Variants in CYSTM1 observed in about 807,000 individuals in gnomAD.
CYSTM1 encodes the protein cysteine-rich transmembrane module-containing protein 1.
CYSTM1 carries 4 observed loss-of-function variants against 13.1 expected under a neutral mutation model. The observed-to-expected ratio is 0.31, with a 90% CI of 0.15 to 0.70. The LOEUF (loss-of-function observed/expected upper bound fraction) is 0.70. Ranked by LOEUF, CYSTM1 falls within the 30% of genes least tolerant of loss-of-function variation. The probability of loss-of-function intolerance (pLI) is 0.72; values close to 1 mark genes in which losing one functional copy is unlikely to be tolerated. For missense variants in CYSTM1, 96 were observed against 121.6 expected (o/e 0.79, Z 0.99); for synonymous variants, 36 against 42.7 (o/e 0.84, Z 0.62).
At chr5:140,178,466 T>TTTTTTC (rs1491141331) in intron 1 of CYSTM1, among the ~76,000 whole-genome samples, 2 of 111,100 alleles carry the variant, frequency 1.8e-5, no homozygotes, top group African/African-American at 7.2e-5. Context: ...TTTTTTTTTT[T>TTTTTTC]CAGAAACAGG....
chr5:140,193,664 T>C (rs1200753953), intron 1 of CYSTM1, among the ~76,000 whole-genome samples: 3 of 152,112 alleles, frequency 2.0e-5, no homozygotes, highest in Admixed American at 6.6e-5. Flanking sequence ...CCCTGAAAAC[T>C]TCAAGCCCAA....
chr5:140,194,606 A>G lies in CYSTM1; in HGVS notation c.141A>G (p.Pro47=), dbSNP rs760300496. ...PPQGYPYQGY[P]QYGWQGGPQE... is the part of the protein sequence containing the mutation. ...AAGGGTACCCCTACCAAGGATACCC[A>G]CAGTACGGCTGGCAGGGTGGACCTC... The change falls in exon 2 of 3, where the codon CCA becomes CCG. Residue 47 remains proline (P), a synonymous_variant. Transcript: ENST00000261811. 6.2e-7 allele frequency: 1 copy of G among 1,613,598 alleles called. No homozygotes were observed. The highest frequency in any genetic ancestry group is 8.5e-7 in the Non-Finnish European group (1 of 1,179,724).
intron 2 of CYSTM1, among the ~76,000 whole-genome samples, chr5:140,208,865 C>G (rs1210964721): frequency 1.3e-5 from 2 of 151,988 alleles, no homozygotes; most frequent in African/African-American, 4.8e-5. Context: ...TGGTGAAACC[C>G]TGTCTCTACT....
chr5:140,184,830 T>C (rs1763998053), intron 1 of CYSTM1, among the ~76,000 whole-genome samples: 1 of 152,236 alleles, frequency 6.6e-6, no homozygotes, highest in Admixed American at 6.5e-5. Context: ...TCTCTAAGTC[T>C]GGAAGAATGC....
chr5:140,201,350 C>T (rs1312824245), intron 2 of CYSTM1: 1 of 152,122 alleles, frequency 6.6e-6, no homozygotes, highest in African/African-American at 2.4e-5. Context: ...GCTTGAAATC[C>T]AGAATATTAT....
At chr5:140,214,681 T>C (rs572120541) in intron 2 of CYSTM1, among the ~76,000 whole-genome samples, 1 of 152,330 alleles carries the variant, frequency 6.6e-6, no homozygotes, top group East Asian at 1.9e-4. Context: ...CTTTCTTCAG[T>C]TAGCTTGTTA....
At chr5:140,238,795 G>A (rs1036260858) in intron 2 of CYSTM1, among the ~76,000 whole-genome samples, 4 of 152,202 alleles carry the variant, frequency 2.6e-5, no homozygotes, top group Non-Finnish European at 5.9e-5. Context: ...GAAACCTCCC[G>A]GAAGGCTGGT....
At position 140,230,406 on chromosome 5, in the gene CYSTM1, C is replaced by T. The variant is rs1017941436; in HGVS notation, c.188-12899C>T. Reference sequence around the variant, plus strand: ...GCTCAAATCTGTCTCCCTGTCCTGGCTTTAAGGCAGTAATTTTATTAGAAA... The same window carrying T: ...GCTCAAATCTGTCTCCCTGTCCTGGTTTTAAGGCAGTAATTTTATTAGAAA... On this transcript the variant is annotated intron_variant, in intron 2 of 2. Coordinates refer to ENST00000261811, the MANE Select transcript of CYSTM1 (RefSeq NM_032412.4). This position sits in a 1 kb window ranked among gnomAD's most constrained non-coding sequence, Gnocchi z 4.1. Among the ~76,000 whole-genome samples the T allele has an allele frequency of 6.6e-6, 1 of 152,112 alleles. No individual in the cohort carries two copies. Among genetic ancestry groups the T allele is most frequent in the African/African-American group, 2.4e-5 (1 of 41,404 alleles).
intron 2 of CYSTM1, among the ~76,000 whole-genome samples, chr5:140,224,787 C>G (rs969917265): frequency 2.6e-5 from 4 of 152,220 alleles, no homozygotes; most frequent in African/African-American, 9.6e-5. Flanking sequence ...TCCCAAAGCA[C>G]TGGGATTACA....
intron 2 of CYSTM1, among the ~76,000 whole-genome samples, chr5:140,204,772 C>T (rs948863466): frequency 2.8e-5 from 4 of 143,002 alleles, no homozygotes; most frequent in Non-Finnish European, 6.2e-5. Flanking sequence ...CAGTGCTGAG[C>T]GCGTGTGTGT....
chr5:140,234,336 GTTATC>G (rs1168374974), intron 2 of CYSTM1, among the ~76,000 whole-genome samples: 5 of 152,068 alleles, frequency 3.3e-5, no homozygotes. Flanking sequence ...CCATTAACCG[GTTATC>G]TTGACTACTG....
chr5:140,240,133 C>A (rs539592556), intron 2 of CYSTM1, among the ~76,000 whole-genome samples: 2 of 152,208 alleles, frequency 1.3e-5, no homozygotes, highest in African/African-American at 4.8e-5. Flanking sequence ...TGACTGCTAC[C>A]AACGTGCCCA....
chr5:140,235,765 C>T (rs1764674156), intron 2 of CYSTM1, among the ~76,000 whole-genome samples: 1 of 152,192 alleles, frequency 6.6e-6, no homozygotes, highest in Non-Finnish European at 1.5e-5. Flanking sequence ...TTGTCAGCCC[C>T]TTCCTACGCT....
At chr5:140,184,368 T>C (rs1763992636) in intron 1 of CYSTM1, among the ~76,000 whole-genome samples, 1 of 146,822 alleles carries the variant, frequency 6.8e-6, no homozygotes, top group Non-Finnish European at 1.5e-5. Context: ...TTAATATATA[T>C]GCATGTGTAT....
At chr5:140,223,175 C>A (rs1158372135) in intron 2 of CYSTM1, among the ~76,000 whole-genome samples, 2 of 152,164 alleles carry the variant, frequency 1.3e-5, no homozygotes, top group African/African-American at 4.8e-5. Context: ...GGAGGAACCA[C>A]CTAGAGATCC....
In CYSTM1 at chr5:140,243,291, T is replaced by A; in HGVS notation, c.188-14T>A. On this transcript the variant is annotated splice_polypyrimidine_tract_variant and intron_variant, in intron 2 of 2. Coordinates refer to ENST00000261811, the MANE Select transcript of CYSTM1 (RefSeq NM_032412.4). ...ACCAGTCCATTCTCACCCTCTTCCCTCTTCTCCCTCCAGTGTATGTGGTAG... is the reference window on the plus strand; with the variant it reads ...ACCAGTCCATTCTCACCCTCTTCCCACTTCTCCCTCCAGTGTATGTGGTAG... 2.5e-6 allele frequency: 4 copies of A among 1,611,898 alleles called. No individual in the cohort carries two copies. The highest frequency in any genetic ancestry group is 3.4e-6 in the Non-Finnish European group (4 of 1,178,104).
chr5:140,233,688 G>C (rs1017818719), intron 2 of CYSTM1, among the ~76,000 whole-genome samples: 2 of 152,160 alleles, frequency 1.3e-5, no homozygotes, highest in Non-Finnish European at 2.9e-5. Context: ...ATTGTATGTA[G>C]TGGCATCTCA....
chr5:140,228,125 G>T (rs1764581243), intron 2 of CYSTM1, among the ~76,000 whole-genome samples: 1 of 152,152 alleles, frequency 6.6e-6, no homozygotes, highest in African/African-American at 2.4e-5. Context: ...GGGTTATTTT[G>T]ATGCAGCAAC....
At chr5:140,200,557 C>CTTTTTTTTTTTTTTTTTTTTT (rs57173526) in intron 2 of CYSTM1, 4 of 78,712 alleles carry the variant, frequency 5.1e-5, no homozygotes, top group African/African-American at 2.1e-4. Context: ...TCCCCCCGGC[C>CTTTTTTTTTTTTTTTTTTTTT]TTTTTTTTTT....
Sources: gnomAD v4.1 joint callset for allele counts (sites outside exome capture counted in the v4.1 genomes callset) on GRCh38, gnomAD v4.1.1 for gene constraint, Gnocchi (gnomAD v3.1) non-coding constraint, MANE v1.5 for transcripts, NCBI Gene and HGNC (gene_info 2026-07-23, HGNC 2026-07-21) for gene names.